The following MCC variants were observed in gnomAD, a reference collection of about 807,000 sequenced individuals.
The protein encoded by MCC is MCC regulator of Wnt signaling pathway, also known as colorectal mutant cancer protein.
MCC carries 90 observed loss-of-function variants against 116.2 expected under a neutral mutation model. The observed-to-expected ratio is 0.77, with a 90% CI of 0.65 to 0.92. The LOEUF is 0.92. Among genes scored for constraint, MCC ranks in the 40% least tolerant of loss-of-function variants. The pLI is 0.00. For missense variants in MCC, 1,516 were observed against 1,312.2 expected (o/e 1.16, Z -2.40); for synonymous variants, 578 against 510.5 (o/e 1.13, Z -1.78).
At chr5:113,055,154 A>G (rs1356737475) in intron 14 of MCC, among the ~76,000 whole-genome samples, 1 of 152,198 alleles carries the variant, frequency 6.6e-6, no homozygotes, top group Non-Finnish European at 1.5e-5. Context: ...AGAGACATCA[A>G]GTGGTCAGCC....
intron 3 of MCC, among the ~76,000 whole-genome samples, chr5:113,304,004 CT>C (rs1462537218): frequency 6.6e-6 from 1 of 152,130 alleles, no homozygotes; most frequent in Admixed American, 6.5e-5. Context: ...TACTAGTAAA[CT>C]ATGAGAATGA....
intron 1 of MCC, chr5:113,433,985 G>A (rs369078372): frequency 4.0e-5 from 65 of 1,613,904 alleles, no homozygotes; most frequent in Non-Finnish European, 5.4e-5. Flanking sequence ...CCCCCTCCTT[G>A]TTGATGGCCA....
intron 1 of MCC, among the ~76,000 whole-genome samples, chr5:113,466,528 G>A (rs1325671668): frequency 4.0e-4 from 61 of 152,056 alleles, no homozygotes; most frequent in African/African-American, 1.2e-3. Context: ...ATTTTTTATG[G>A]CTGCATAGTA....
chr5:113,288,910 A>G (rs906613790), intron 3 of MCC, among the ~76,000 whole-genome samples: 7 of 152,252 alleles, frequency 4.6e-5, no homozygotes, highest in African/African-American at 1.7e-4. Context: ...AGTTTTAGAC[A>G]AGCATGTCAA....
chr5:113,288,269 A>C (rs1171954855), intron 3 of MCC, among the ~76,000 whole-genome samples: 2 of 152,236 alleles, frequency 1.3e-5, no homozygotes, highest in Non-Finnish European at 2.9e-5. Flanking sequence ...TGTAGAAGGA[A>C]CTTAAAGCCC....
chr5:113,276,080 T>C (rs977010399), intron 3 of MCC, among the ~76,000 whole-genome samples: 14 of 151,128 alleles, frequency 9.3e-5, no homozygotes, highest in African/African-American at 3.2e-4. Context: ...AGTGGCCACA[T>C]TGATTCTGGC....
intron 9 of MCC, 96 bp from the exon 10 acceptor site, chr5:113,084,286 T>A: frequency 1.1e-6 from 1 of 931,304 alleles, no homozygotes; most frequent in South Asian, 1.4e-5. Flanking sequence ...TTTAGCCATG[T>A]CAACTAAATG....
chr5:113,157,133 T>C (rs1228772225), intron 3 of MCC, among the ~76,000 whole-genome samples: 1 of 152,080 alleles, frequency 6.6e-6, no homozygotes, highest in African/African-American at 2.4e-5. Context: ...CCTCCAGGAG[T>C]GTCACTGCGT....
intron 5 of MCC, among the ~76,000 whole-genome samples, chr5:113,141,164 T>C (rs1169400280): frequency 6.6e-6 from 1 of 152,188 alleles, no homozygotes; most frequent in East Asian, 1.9e-4. Context: ...CCCGTGGACA[T>C]CAGAACTCTT....
chr5:113,360,104 T>C (rs954966385), intron 2 of MCC, among the ~76,000 whole-genome samples: 7 of 152,132 alleles, frequency 4.6e-5, no homozygotes, highest in African/African-American at 1.7e-4. Flanking sequence ...ACCTCTCGTA[T>C]GGCATGCCAA....
At chr5:113,341,252 C>T (rs1033192076) in intron 2 of MCC, among the ~76,000 whole-genome samples, 1 of 151,294 alleles carries the variant, frequency 6.6e-6, no homozygotes, top group South Asian at 2.1e-4. Flanking sequence ...TTTTTTGAGG[C>T]AGGGTCTTGT....
At chr5:113,290,145 A>G (rs1396524297) in intron 3 of MCC, among the ~76,000 whole-genome samples, 2 of 152,252 alleles carry the variant, frequency 1.3e-5, no homozygotes, top group Non-Finnish European at 2.9e-5. Context: ...TTAGAGCATC[A>G]ACGAAGAGGT....
At chr5:113,311,199 G>C (rs1767127313) in intron 3 of MCC, among the ~76,000 whole-genome samples, 1 of 152,216 alleles carries the variant, frequency 6.6e-6, no homozygotes, top group South Asian at 2.1e-4. Flanking sequence ...AGAATGCAAA[G>C]ATGGCCCCAT....
intron 9 of MCC, 137 bp downstream of exon 9, chr5:113,085,027 G>C: frequency 2.6e-6 from 3 of 1,135,776 alleles, no homozygotes; most frequent in Non-Finnish European, 3.9e-6. Context: ...CTGCATAGAA[G>C]GCCTGCGTAA....
intron 6 of MCC, among the ~76,000 whole-genome samples, chr5:113,112,384 G>C (rs1489273846): frequency 2.0e-5 from 3 of 152,102 alleles, no homozygotes; most frequent in African/African-American, 7.2e-5. Context: ...GTTCTCATGA[G>C]ACCTGGTTGT....
chr5:113,031,726 A>C (rs1469694709), intron 17 of MCC, among the ~76,000 whole-genome samples: 1 of 152,154 alleles, frequency 6.6e-6, no homozygotes, highest in East Asian at 1.9e-4. Context: ...GGAGACTGGA[A>C]ATCCCAGCCC....
At chr5:113,235,404 T>C (rs1310487065) in intron 3 of MCC, among the ~76,000 whole-genome samples, 1 of 152,228 alleles carries the variant, frequency 6.6e-6, no homozygotes, top group Non-Finnish European at 1.5e-5. Context: ...TTATATCTGA[T>C]TAGACTATGT....
chr5:113,163,007 T>C (rs10075902), intron 3 of MCC, among the ~76,000 whole-genome samples: 5 of 152,134 alleles, frequency 3.3e-5, no homozygotes, highest in African/African-American at 1.2e-4. Context: ...TCAACACGTG[T>C]AATTGAATCA....
intron 1 of MCC, among the ~76,000 whole-genome samples, chr5:113,483,153 T>A (rs1428458751): frequency 6.6e-6 from 1 of 152,212 alleles, no homozygotes; most frequent in African/African-American, 2.4e-5. Context: ...GCTAGTACCA[T>A]AGTGTCTTAA....
Sources: gnomAD v4.1 joint callset for allele counts (sites outside exome capture counted in the v4.1 genomes callset) on GRCh38, gnomAD v4.1.1 for gene constraint, MANE v1.5 for transcripts, NCBI Gene and HGNC (gene_info 2026-07-23, HGNC 2026-07-21) for gene names.